The following NLRP14 variants were observed in gnomAD, a reference collection of about 807,000 sequenced individuals.
NLRP14 encodes the protein NACHT, LRR and PYD domains-containing protein 14.
A neutral mutation model predicts 94.7 loss-of-function variants in NLRP14; 105 were observed. The ratio of observed to expected loss-of-function variants is 1.11; its 90% CI spans 0.95 to 1.30. The LOEUF is 1.30. Among genes scored for constraint, NLRP14 ranks in the 50% most tolerant of loss-of-function variants. NLRP14 has a pLI of 0.00. For synonymous variants in NLRP14, 508 were observed against 459.9 expected (o/e 1.10, Z -1.34); for missense variants, 1,362 against 1,254.1 (o/e 1.09, Z -1.30).
chr11:7,041,984 T>TG (rs1163546927), intron 3 of NLRP14, among the ~76,000 whole-genome samples: 2 of 151,894 alleles, frequency 1.3e-5, no homozygotes, highest in Non-Finnish European at 2.9e-5. Flanking sequence ...AGGTCTGTCT[T>TG]GGGGGTCTTC....
At chr11:7,045,477 C>T (rs952374689) in intron 4 of NLRP14, among the ~76,000 whole-genome samples, 8 of 151,956 alleles carry the variant, frequency 5.3e-5, no homozygotes, top group Admixed American at 2.0e-4. Flanking sequence ...ACCTCAGTCT[C>T]TTCTATAATA....
intron 4 of NLRP14, among the ~76,000 whole-genome samples, chr11:7,044,392 C>T (rs1852319817): frequency 1.3e-5 from 2 of 152,244 alleles, no homozygotes; most frequent in South Asian, 4.1e-4. Context: ...CAGAAATTTT[C>T]TGCTGAACCT....
At chr11:7,064,822 C>CT (rs376959667) in intron 10 of NLRP14, among the ~76,000 whole-genome samples, 13 of 151,382 alleles carry the variant, frequency 8.6e-5, no homozygotes, top group African/African-American at 1.2e-4. Flanking sequence ...CCTATATACT[C>CT]TTTTTTTTTC....
chr11:7,072,864 A>C (rs118109952), downstream of NLRP14, among the ~76,000 whole-genome samples: 2,724 of 152,184 alleles, frequency 0.018, 40 homozygotes, highest in Non-Finnish European at 0.031. Context: ...TTATTGTCTC[A>C]GAGAGATAGT....
At position 7,049,646 on chromosome 11, in the gene NLRP14, C is replaced by A. The variant is rs917299751; in HGVS notation, c.2124-25C>A. On this transcript the variant is annotated intron_variant, in intron 5 of 11. Transcript: ENST00000299481. Reference sequence around the variant, plus strand: ...CAAGGAGAGAAATGGTTTTGTAATACCTCCTGCATATTTTTCTTCTGAAGG... The same window carrying A: ...CAAGGAGAGAAATGGTTTTGTAATAACTCCTGCATATTTTTCTTCTGAAGG... 10 of 1,560,288 alleles carry A rather than the reference C, an allele frequency of 6.4e-6. No homozygotes were observed. The African/African-American group carries it at 1.4e-4, about 21-fold the overall frequency.
chr11:7,064,426 G>A (rs1212955638), intron 10 of NLRP14, among the ~76,000 whole-genome samples: 1 of 152,018 alleles, frequency 6.6e-6, no homozygotes, highest in Admixed American at 6.6e-5. Context: ...ATTTTGCCAG[G>A]CCAAGGTGTT....
intron 3 of NLRP14, 126 bp from the exon 4 acceptor site, chr11:7,042,262 G>C: frequency 2.8e-6 from 2 of 716,792 alleles, no homozygotes; most frequent in Non-Finnish European, 4.8e-6. Flanking sequence ...AACCAGCTCT[G>C]ATTTCAGCCT....
rs1324382924 is a variant in NLRP14, at chr11:7,043,890, C to T, written c.1864C>T (p.Leu622Phe). The T allele has an allele frequency of 6.2e-7, 1 of 1,613,996 alleles. No homozygotes were observed. The highest frequency in any genetic ancestry group is 8.5e-7 in the Non-Finnish European group (1 of 1,179,978). Reference protein sequence around the residue: ...KIHLLVSSFCLKHCRCLRTIR... With the variant: ...KIHLLVSSFCFKHCRCLRTIR... ...ACATTTGCTTGTATCTTCTTTCTGC[C>T]TTAAGCACTGCCGGTGTTTGCGGAC... The change falls in exon 4 of 12, where the codon CTT (leucine) becomes TTT (phenylalanine). Residue 622 changes from leucine to phenylalanine, a missense_variant. Transcript: ENST00000299481.
the NLRP14 span, among the ~76,000 whole-genome samples, chr11:7,079,608 C>T: frequency 6.6e-6 from 1 of 152,158 alleles, no homozygotes; most frequent in East Asian, 1.9e-4. Context: ...ATGTTAGAAC[C>T]TCTTCATTGC....
At chr11:7,089,453 C>T in the NLRP14 span, 2 of 1,372,348 alleles carry the variant, frequency 1.5e-6, no homozygotes, top group Non-Finnish European at 1.9e-6. Flanking sequence ...TGCGCGGAAC[C>T]CGCGGGGGTG....
the NLRP14 span, among the ~76,000 whole-genome samples, chr11:7,085,661 C>T: frequency 0.74 from 112,021 of 151,426 alleles, 42,777 homozygotes; most frequent in Non-Finnish European, 0.85. Context: ...CACTAAGTCC[C>T]TGATATAAAA....
chr11:7,084,678 T>G, the NLRP14 span, among the ~76,000 whole-genome samples: 1 of 152,226 alleles, frequency 6.6e-6, no homozygotes, highest in Non-Finnish European at 1.5e-5. Flanking sequence ...CCTATGTATA[T>G]CTTCATCTGT....
At chr11:7,071,991 A>G (rs1852807514), downstream of NLRP14, among the ~76,000 whole-genome samples, 1 of 152,234 alleles carries the variant, frequency 6.6e-6, no homozygotes, top group Non-Finnish European at 1.5e-5. Context: ...TATTTGGGCT[A>G]GAGCTAGAAA....
At chr11:7,083,000 C>G in the NLRP14 span, among the ~76,000 whole-genome samples, 2 of 152,210 alleles carry the variant, frequency 1.3e-5, no homozygotes, top group African/African-American at 2.4e-5. Flanking sequence ...TCAGCACTTG[C>G]AGTTGCAGCC....
intron 6 of NLRP14, 30 bp downstream of exon 6, chr11:7,049,868 G>GT (rs1362059702): frequency 6.3e-7 from 1 of 1,595,320 alleles, no homozygotes; most frequent in Non-Finnish European, 8.6e-7. Context: ...GTCTTGTTTT[G>GT]TTTTTATAAT....
At position 7,042,976 on chromosome 11, in the gene NLRP14, A is replaced by G. The variant is rs747358912; in HGVS notation, c.950A>G (p.Gln317Arg). The G allele has an allele frequency of 6.2e-7, 1 of 1,614,194 alleles. No homozygotes were observed. The highest frequency in any genetic ancestry group is 8.5e-7 in the Non-Finnish European group (1 of 1,180,006). ...TRLTTSKRLKQLLKNHHYVEL... is the reference protein window; with the variant it reads ...TRLTTSKRLKRLLKNHHYVEL... ...CTCACAACTTCTAAGAGACTAAAGC[A>G]GTTGTTGAAGAATCACCATTATGTA... The change falls in exon 4 of 12, where the codon CAG (glutamine) becomes CGG (arginine). Residue 317 changes from glutamine to arginine, a missense_variant. Transcript: ENST00000299481.
chr11:7,041,832 AC>A (rs1345422681), intron 3 of NLRP14, among the ~76,000 whole-genome samples: 2 of 152,166 alleles, frequency 1.3e-5, no homozygotes, highest in African/African-American at 4.8e-5. Context: ...TCAGACTTAA[AC>A]AAGTAAAGAT....
At chr11:7,064,734 G>C (rs1224063774) in intron 10 of NLRP14, among the ~76,000 whole-genome samples, 1 of 151,984 alleles carries the variant, frequency 6.6e-6, no homozygotes, top group African/African-American at 2.4e-5. Flanking sequence ...GAATATCAAA[G>C]GCAAATTAGG....
At chr11:7,026,854 TAATGCTAA>T (rs1284578625) in intron 1 of NLRP14, among the ~76,000 whole-genome samples, 3 of 151,462 alleles carry the variant, frequency 2.0e-5, no homozygotes, top group Non-Finnish European at 2.9e-5. Context: ...GAGATATACC[TAATGCTAA>T]ATGGTGAGTT....
Sources: gnomAD v4.1 joint callset for allele counts (sites outside exome capture counted in the v4.1 genomes callset) on GRCh38, gnomAD v4.1.1 for gene constraint, MANE v1.5 for transcripts, NCBI Gene and HGNC (gene_info 2026-07-23, HGNC 2026-07-21) for gene names.